The following CIMIP7 variants were observed in gnomAD, a reference collection of about 807,000 sequenced individuals.
CIMIP7 encodes the protein ciliary microtubule inner protein 7, also known as uncharacterized protein C3orf84.
chr3:49,185,294 G>T, the CIMIP7 span, among the ~76,000 whole-genome samples: 2 of 151,522 alleles, frequency 1.3e-5, no homozygotes, highest in South Asian at 4.2e-4. Flanking sequence ...ACCAAGCAGG[G>T]TGGCTCACAC....
chr3:49,185,167 A>G, the CIMIP7 span, among the ~76,000 whole-genome samples: 2 of 150,004 alleles, frequency 1.3e-5, no homozygotes, highest in Admixed American at 6.6e-5. Context: ...AGGCTGAGGC[A>G]GGAGAGTCAC....
the CIMIP7 span, among the ~76,000 whole-genome samples, chr3:49,189,671 T>C: frequency 6.6e-6 from 1 of 152,230 alleles, no homozygotes; most frequent in African/African-American, 2.4e-5. Flanking sequence ...GGCTGTGGAA[T>C]GGACCATGGG....
At chr3:49,191,554 G>C in the CIMIP7 span, 3 of 704,060 alleles carry the variant, frequency 4.3e-6, no homozygotes, top group African/African-American at 5.2e-5. Context: ...ATGGAAGGGG[G>C]CAAAGTGTTA....
At chr3:49,178,326 C>G in the CIMIP7 span, among the ~76,000 whole-genome samples, 2 of 152,154 alleles carry the variant, frequency 1.3e-5, no homozygotes, top group Non-Finnish European at 2.9e-5. Context: ...TAGGCTGTTT[C>G]CCAGAGGAGA....
chr3:49,179,279 A>G, the CIMIP7 span, among the ~76,000 whole-genome samples: 1 of 152,166 alleles, frequency 6.6e-6, no homozygotes, highest in South Asian at 2.1e-4. Context: ...TCCAAGCCAC[A>G]TTACTCTCTT....
At chr3:49,188,524 C>T in the CIMIP7 span, among the ~76,000 whole-genome samples, 5 of 152,088 alleles carry the variant, frequency 3.3e-5, no homozygotes, top group African/African-American at 1.2e-4. Context: ...CCTCCTAGGC[C>T]ACATCCCACC....
the CIMIP7 span, chr3:49,178,668 C>G: frequency 2.8e-6 from 2 of 703,584 alleles, no homozygotes. Flanking sequence ...AGCTGCTAAA[C>G]TGCCAACAGA....
the CIMIP7 span, among the ~76,000 whole-genome samples, chr3:49,187,227 G>A: frequency 2.0e-5 from 3 of 152,304 alleles, no homozygotes; most frequent in East Asian, 5.8e-4. Flanking sequence ...TGCAAAGAAT[G>A]ATCACTAGCA....
At chr3:49,184,563 C>G in the CIMIP7 span, among the ~76,000 whole-genome samples, 1 of 151,424 alleles carries the variant, frequency 6.6e-6, no homozygotes, top group Non-Finnish European at 1.5e-5. Flanking sequence ...TTGAGCAGTC[C>G]ACTGCCTTGG....
At chr3:49,189,407 A>G in the CIMIP7 span, among the ~76,000 whole-genome samples, 1 of 152,038 alleles carries the variant, frequency 6.6e-6, no homozygotes, top group Non-Finnish European at 1.5e-5. Flanking sequence ...CACCTCGCCC[A>G]GCTGTGACCC....
the CIMIP7 span, among the ~76,000 whole-genome samples, chr3:49,187,370 G>A: frequency 6.6e-6 from 1 of 152,168 alleles, no homozygotes; most frequent in South Asian, 2.1e-4. Context: ...TTTGGAAGGG[G>A]CAGTATTTGC....
the CIMIP7 span, among the ~76,000 whole-genome samples, chr3:49,184,549 G>A: frequency 4.3e-4 from 65 of 152,052 alleles, no homozygotes; most frequent in Non-Finnish European, 7.5e-4. Flanking sequence ...TTGAACTCCT[G>A]ACCTTGAGCA....
At chr3:49,188,067 GTC>G in the CIMIP7 span, among the ~76,000 whole-genome samples, 17 of 152,214 alleles carry the variant, frequency 1.1e-4, no homozygotes, top group African/African-American at 3.9e-4. Flanking sequence ...ACAGCAGGAA[GTC>G]TCTGTGTTGC....
chr3:49,191,787 G>A, the CIMIP7 span: 18 of 1,548,992 alleles, frequency 1.2e-5, no homozygotes, highest in Admixed American at 3.9e-5. Flanking sequence ...CAAGAAGGGA[G>A]CAGAAAAGGC....
chr3:49,181,305 G>A, the CIMIP7 span, among the ~76,000 whole-genome samples: 267 of 147,008 alleles, frequency 1.8e-3, 5 homozygotes, highest in Middle Eastern at 7.1e-3. Flanking sequence ...TCTCACCACT[G>A]CACTCCAGCC....
At chr3:49,178,459 T>C in the CIMIP7 span, 1 of 1,611,572 alleles carries the variant, frequency 6.2e-7, no homozygotes, top group Non-Finnish European at 8.5e-7. Flanking sequence ...CTGCCTGCCA[T>C]TCTTCCTGTC....
chr3:49,185,840 G>T, the CIMIP7 span, among the ~76,000 whole-genome samples: 1 of 148,148 alleles, frequency 6.8e-6, no homozygotes, highest in Non-Finnish European at 1.5e-5. Flanking sequence ...ACAGGTGCCA[G>T]CCACCACTCC....
the CIMIP7 span, among the ~76,000 whole-genome samples, chr3:49,190,497 AT>A: frequency 4.3e-3 from 603 of 139,162 alleles, no homozygotes; most frequent in Admixed American, 5.5e-3. Context: ...TCTCTCCACA[AT>A]TTTTTTTTTT....
At chr3:49,186,405 T>G in the CIMIP7 span, among the ~76,000 whole-genome samples, 1 of 137,928 alleles carries the variant, frequency 7.3e-6, no homozygotes, top group East Asian at 2.1e-4. Context: ...ACCTGGCTAA[T>G]TTTTTTTTTT....
Sources: allele counts gnomAD v4.1 joint callset (sites outside exome capture counted in the v4.1 genomes callset), GRCh38; gene constraint gnomAD v4.1.1; transcripts MANE v1.5; gene names NCBI Gene and HGNC (gene_info 2026-07-23, HGNC 2026-07-21).